Variants in CCDC102B observed in about 807,000 individuals in gnomAD.
The protein encoded by CCDC102B is coiled-coil domain-containing protein 102B.
In CCDC102B, 75 loss-of-function variants were observed where a neutral mutation model predicts 57.4. The ratio of observed to expected loss-of-function variants is 1.31; its 90% CI spans 1.08 to 1.58. The LOEUF is 1.58. Ranked by LOEUF, CCDC102B falls within the 40% of genes most tolerant of loss-of-function variation. The probability of loss-of-function intolerance (pLI) is 0.00; values close to 1 mark genes in which losing one functional copy is unlikely to be tolerated. For missense variants in CCDC102B, 636 were observed against 582.6 expected (o/e 1.09, Z -0.94); for synonymous variants, 206 against 201.9 (o/e 1.02, Z -0.17).
intron 6 of CCDC102B, among the ~76,000 whole-genome samples, chr18:68,925,082 C>G (rs1455953475): frequency 6.6e-6 from 1 of 152,056 alleles, no homozygotes; most frequent in East Asian, 1.9e-4. Flanking sequence ...AACCAATGTT[C>G]TCAAAAACGA....
At chr18:68,821,997 A>C (rs554556452) in intron 1 of CCDC102B, among the ~76,000 whole-genome samples, 1 of 152,292 alleles carries the variant, frequency 6.6e-6, no homozygotes, top group South Asian at 2.1e-4. Context: ...GCTAGGTCAA[A>C]TATCACTTTG....
At chr18:68,824,890 C>CAT (rs1332085290) in intron 1 of CCDC102B, among the ~76,000 whole-genome samples, 1 of 152,170 alleles carries the variant, frequency 6.6e-6, no homozygotes. Context: ...TGTCATCACA[C>CAT]AGTCACACAT....
At chr18:68,790,113 C>CT (rs1568251418) in intron 2 of CCDC102B, among the ~76,000 whole-genome samples, 1 of 149,534 alleles carries the variant, frequency 6.7e-6, no homozygotes. Context: ...TCTGCCCCTG[C>CT]TGGGGGGTGC....
rs3763951 is a variant in CCDC102B, at chr18:69,011,089, T to C, written c.1419T>C (p.Asn473=). 57,465 of 1,613,036 alleles carry C rather than the reference T, an allele frequency of 0.036. 1,918 individuals carry two copies. Among genetic ancestry groups the C allele is most frequent in the East Asian group, 0.2 (9,143 of 44,820 alleles). The change falls in exon 7 of 8, where the codon AAT becomes AAC. Residue 473 remains asparagine, a synonymous_variant. Transcript: ENST00000360242. Reference sequence around the variant, plus strand: ...TGGAAGAACTAAAGCAGGGACTCAATCAAAAAGAAGATGAGGTACTACTTT... The same window carrying C: ...TGGAAGAACTAAAGCAGGGACTCAACCAAAAAGAAGATGAGGTACTACTTT... ...LRVEELKQGL[N]QKEDELDDSL... is the part of the protein sequence containing the mutation.
At position 69,027,153 on chromosome 18, in the gene CCDC102B, A is replaced by G. The variant is rs536522844; in HGVS notation, c.1434+16049A>G. Among the ~76,000 whole-genome samples the G allele has an allele frequency of 2.6e-5, 4 of 152,316 alleles. No homozygotes were observed. In the East Asian group the frequency reaches 7.7e-4, roughly 29 times the overall value. ...CGTTTTCCACAGATGTCTGTTTTGAAATGACTCCTCACAGATGTCAACCTG... is the reference window on the plus strand; with the variant it reads ...CGTTTTCCACAGATGTCTGTTTTGAGATGACTCCTCACAGATGTCAACCTG... On this transcript the variant is annotated intron_variant, in intron 7 of 7. Coordinates refer to ENST00000360242, the MANE Select transcript of CCDC102B (RefSeq NM_024781.3).
At chr18:68,928,996 A>G (rs2041574481) in intron 6 of CCDC102B, among the ~76,000 whole-genome samples, 1 of 151,892 alleles carries the variant, frequency 6.6e-6, no homozygotes, top group South Asian at 2.1e-4. Flanking sequence ...ATGAGAGGCA[A>G]TGCAGTCAGT....
chr18:69,009,020 C>T (rs1237784146), intron 6 of CCDC102B, among the ~76,000 whole-genome samples: 1 of 152,112 alleles, frequency 6.6e-6, no homozygotes, highest in Non-Finnish European at 1.5e-5. Context: ...GACAAATATT[C>T]TCATAATCAC....
At chr18:68,842,492 G>A (rs2037678333) in intron 3 of CCDC102B, among the ~76,000 whole-genome samples, 1 of 152,062 alleles carries the variant, frequency 6.6e-6, no homozygotes, top group Admixed American at 6.6e-5. Flanking sequence ...TCTCTACCAG[G>A]GTTTCCTTTG....
intron 6 of CCDC102B, among the ~76,000 whole-genome samples, chr18:68,922,610 C>T (rs143436097): frequency 4.7e-4 from 72 of 152,268 alleles, no homozygotes; most frequent in African/African-American, 1.6e-3. Flanking sequence ...CAGGTCCAGC[C>T]ATGCCTGCTG....
chr18:68,836,392 G>T (rs557361581), intron 1 of CCDC102B, among the ~76,000 whole-genome samples: 1 of 152,246 alleles, frequency 6.6e-6, no homozygotes, highest in Admixed American at 6.5e-5. Context: ...CACTTTGGGA[G>T]GCTGAGGCGG....
At chr18:68,798,508 T>C (rs140970990) in intron 1 of CCDC102B, 119 of 152,284 alleles carry the variant, frequency 7.8e-4, no homozygotes, top group African/African-American at 2.7e-3. Flanking sequence ...TATTAAAATT[T>C]TGTTTCATTG....
At chr18:68,995,234 T>C (rs1789838827) in intron 6 of CCDC102B, among the ~76,000 whole-genome samples, 1 of 152,186 alleles carries the variant, frequency 6.6e-6, no homozygotes, top group Non-Finnish European at 1.5e-5. Context: ...TTGGGAAATT[T>C]GCAGCCTGAC....
rs866807346 is a variant in CCDC102B, at chr18:68,857,105, T to A, written c.936+10684T>A. Among the ~76,000 whole-genome samples the A allele has an allele frequency of 6.3e-5, 6 of 95,988 alleles. 1 individual carries two copies. Among genetic ancestry groups the A allele is most frequent in the African/African-American group, 2.0e-4 (5 of 24,858 alleles). The allele number at this position is 95,988 out of a possible 152,430, so 63.0% of individuals were successfully genotyped here. On this transcript the variant is annotated intron_variant, in intron 4 of 7. Coordinates refer to ENST00000360242, the MANE Select transcript of CCDC102B (RefSeq NM_024781.3). ...AAATATATTTATATATTTTTATATA[T>A]TATATATAAATATATTTATATATTT...
chr18:69,010,606 T>C (rs1599844005), intron 6 of CCDC102B, among the ~76,000 whole-genome samples: 1 of 152,220 alleles, frequency 6.6e-6, no homozygotes, highest in South Asian at 2.1e-4. Context: ...TGAACAGCTC[T>C]TTTTGCATGC....
chr18:68,932,172 A>G (rs1172854080), intron 6 of CCDC102B, among the ~76,000 whole-genome samples: 2 of 151,840 alleles, frequency 1.3e-5, no homozygotes, highest in Non-Finnish European at 2.9e-5. Flanking sequence ...ATTTCTTTTT[A>G]AGTCCTGACA....
At chr18:68,828,778 A>C (rs1377158794) in intron 1 of CCDC102B, among the ~76,000 whole-genome samples, 2 of 151,558 alleles carry the variant, frequency 1.3e-5, no homozygotes, top group African/African-American at 4.8e-5. Flanking sequence ...CTTTTATTGG[A>C]ATATATTTAC....
chr18:68,732,645 C>G (rs2032934519), intron 2 of CCDC102B, among the ~76,000 whole-genome samples: 1 of 152,140 alleles, frequency 6.6e-6, no homozygotes, highest in African/African-American at 2.4e-5. Context: ...CAGCGCCCGG[C>G]CTACTTGAAG....
intron 6 of CCDC102B, among the ~76,000 whole-genome samples, chr18:68,911,336 A>G (rs934190228): frequency 6.6e-5 from 10 of 152,238 alleles, no homozygotes; most frequent in African/African-American, 2.4e-4. Flanking sequence ...ACGCAGGAAC[A>G]GAAAACCAAA....
At position 68,836,945 on chromosome 18, in the gene CCDC102B, C is replaced by G; in HGVS notation, c.182C>G (p.Ser61Ter). ...SHAAHNFCAH[S>*]YNTNKWDICE... ...GCTGCTCACAATTTCTGTGCTCACT[C>G]ATATAACACCAACAAATGGGATATT... The change falls in exon 2 of 8, where the codon TCA (serine) becomes TGA (stop). Residue 61 changes from serine to a stop codon, truncating the protein, a stop_gained. Transcript: ENST00000360242. LOFTEE classifies it high-confidence loss of function. The G allele has an allele frequency of 6.2e-7, 1 of 1,614,126 alleles. No individual in the cohort carries two copies. The highest frequency in any genetic ancestry group is 8.5e-7 in the Non-Finnish European group (1 of 1,180,024).
Sources: allele counts gnomAD v4.1 joint callset (sites outside exome capture counted in the v4.1 genomes callset), GRCh38; gene constraint gnomAD v4.1.1; transcripts MANE v1.5; gene names NCBI Gene and HGNC (gene_info 2026-07-23, HGNC 2026-07-21).